The following BCAS1 variants were observed in gnomAD, a reference collection of about 807,000 sequenced individuals.
BCAS1 encodes the protein brain enriched myelin associated protein 1, also known as breast carcinoma-amplified sequence 1.
Under a neutral mutation model 65.4 loss-of-function variants are expected in BCAS1, and 46 were observed. The observed-to-expected ratio is 0.70, with a 90% CI of 0.55 to 0.90. The LOEUF (loss-of-function observed/expected upper bound fraction) is 0.90, where lower values mean the gene tolerates loss of function less well. Among genes scored for constraint, BCAS1 ranks in the 40% least tolerant of loss-of-function variants. BCAS1 has a pLI of 0.00. For synonymous variants in BCAS1, 298 were observed against 293.5 expected (o/e 1.02, Z -0.16); for missense variants, 793 against 771.2 (o/e 1.03, Z -0.33).
chr20:54,069,401 G>A (rs1271672338), intron 1 of BCAS1, among the ~76,000 whole-genome samples: 1 of 152,168 alleles, frequency 6.6e-6, no homozygotes, highest in Non-Finnish European at 1.5e-5. Context: ...CATTAATTCT[G>A]ACTTTTAAAA....
chr20:54,020,824 G>T (rs1224230761), intron 4 of BCAS1, among the ~76,000 whole-genome samples: 2 of 152,164 alleles, frequency 1.3e-5, no homozygotes, highest in Non-Finnish European at 2.9e-5. Context: ...GAATAGAAAA[G>T]AATACAAAAT....
intron 4 of BCAS1, among the ~76,000 whole-genome samples, chr20:53,997,058 T>C (rs1049610020): frequency 7.9e-5 from 12 of 152,252 alleles, no homozygotes; most frequent in Non-Finnish European, 1.0e-4. Flanking sequence ...TTTGGAGAGA[T>C]TGTCCCTAAA....
chr20:54,058,445 G>T (rs2092330465), intron 2 of BCAS1, among the ~76,000 whole-genome samples: 1 of 152,072 alleles, frequency 6.6e-6, no homozygotes, highest in Admixed American at 6.6e-5. Context: ...GCTCAAATGG[G>T]CATTTGTCAA....
At chr20:54,019,071 C>A (rs1489886709) in intron 4 of BCAS1, among the ~76,000 whole-genome samples, 1 of 152,116 alleles carries the variant, frequency 6.6e-6, no homozygotes, top group Non-Finnish European at 1.5e-5. Context: ...ACTATGTAGG[C>A]CAAGTAAGAT....
chr20:53,971,397 G>A (rs1425358467), intron 9 of BCAS1, among the ~76,000 whole-genome samples: 1 of 152,210 alleles, frequency 6.6e-6, no homozygotes. Context: ...TGTAGCATGA[G>A]TGAGAAAAGA....
At chr20:54,059,407 G>A (rs960956062) in intron 1 of BCAS1, among the ~76,000 whole-genome samples, 1 of 151,938 alleles carries the variant, frequency 6.6e-6, no homozygotes, top group African/African-American at 2.4e-5. Context: ...TAGGATTTTA[G>A]AATGAGGGTA....
At chr20:54,004,215 T>C (rs534806939) in intron 4 of BCAS1, among the ~76,000 whole-genome samples, 1 of 152,334 alleles carries the variant, frequency 6.6e-6, no homozygotes, top group East Asian at 1.9e-4. Context: ...GCGAGCGTTC[T>C]AGTCCTCTTT....
At chr20:54,036,299 A>G (rs968246869) in intron 3 of BCAS1, among the ~76,000 whole-genome samples, 6 of 151,428 alleles carry the variant, frequency 4.0e-5, no homozygotes, top group Non-Finnish European at 7.4e-5. Context: ...TAAAAAAGTC[A>G]AAGAATTTAA....
At chr20:54,043,056 G>A (rs73132906) in intron 3 of BCAS1, among the ~76,000 whole-genome samples, 1 of 152,146 alleles carries the variant, frequency 6.6e-6, no homozygotes, top group Non-Finnish European at 1.5e-5. Flanking sequence ...ACTCTCAGAA[G>A]GCATTTTTAA....
chr20:54,009,388 CA>C (rs1407484192), intron 4 of BCAS1, among the ~76,000 whole-genome samples: 2 of 152,106 alleles, frequency 1.3e-5, no homozygotes, highest in Non-Finnish European at 2.9e-5. Context: ...GCAAGAGAGT[CA>C]AGGTACAGAT....
intron 4 of BCAS1, among the ~76,000 whole-genome samples, chr20:54,008,807 GAT>G (rs1491239282): frequency 4.6e-5 from 7 of 151,190 alleles, no homozygotes; most frequent in African/African-American, 1.5e-4. Context: ...ATCTAACAAA[GAT>G]TTTTTTTTTT....
chr20:53,964,045 C>A (rs2089962318), intron 10 of BCAS1, among the ~76,000 whole-genome samples: 1 of 152,216 alleles, frequency 6.6e-6, no homozygotes, highest in African/African-American at 2.4e-5. Context: ...TGTTGTATCC[C>A]TTGTGCCTGG....
intron 3 of BCAS1, among the ~76,000 whole-genome samples, chr20:54,037,639 T>A (rs1476669048): frequency 6.6e-6 from 1 of 151,456 alleles, no homozygotes; most frequent in Non-Finnish European, 1.5e-5. Context: ...TAACAGCAAA[T>A]CTACAAGTTA....
At position 54,070,361 on chromosome 20, in the gene BCAS1, G is replaced by A. The variant is rs41308729; in HGVS notation, c.-6+72C>T. Reference sequence around the variant, plus strand: ...CAAACTTGACCCTGTCTGACCCCTGGCCTCTATATGACACCGTCTACCACA... The same window carrying A: ...CAAACTTGACCCTGTCTGACCCCTGACCTCTATATGACACCGTCTACCACA... On this transcript the variant is annotated intron_variant, in intron 1 of 12. Transcript: ENST00000688948. 21,675 of 152,270 alleles carry A rather than the reference G, an allele frequency of 0.14. 1,902 individuals carry two copies. Among genetic ancestry groups the A allele is most frequent in the East Asian group, 0.28 (1,437 of 5,168 alleles). 9.4% of individuals were successfully genotyped at this position (152,270 alleles called of 1,614,324 possible).
At chr20:53,956,689 G>T (rs2145543878) in intron 11 of BCAS1, among the ~76,000 whole-genome samples, 1 of 151,758 alleles carries the variant, frequency 6.6e-6, no homozygotes, top group South Asian at 2.1e-4. Context: ...GCTGAGCCAG[G>T]ATTTGAACCA....
intron 4 of BCAS1, among the ~76,000 whole-genome samples, chr20:54,019,320 C>A (rs532131394): frequency 6.6e-6 from 1 of 152,172 alleles, no homozygotes; most frequent in Non-Finnish European, 1.5e-5. Context: ...GTGAAACAGG[C>A]GTGCTTGCTG....
At chr20:53,955,212 C>A (rs987119828) in intron 11 of BCAS1, among the ~76,000 whole-genome samples, 1 of 152,172 alleles carries the variant, frequency 6.6e-6, no homozygotes, top group East Asian at 1.9e-4. Context: ...AGAGACTCCC[C>A]GGTCCAGAAG....
At chr20:54,023,149 G>A (rs1029350952) in intron 4 of BCAS1, among the ~76,000 whole-genome samples, 1 of 152,160 alleles carries the variant, frequency 6.6e-6, no homozygotes, top group Non-Finnish European at 1.5e-5. Context: ...CTTTTTATTT[G>A]TTTTTATTTT....
At chr20:54,013,151 T>C (rs1221476911) in intron 4 of BCAS1, among the ~76,000 whole-genome samples, 1 of 152,160 alleles carries the variant, frequency 6.6e-6, no homozygotes, top group Non-Finnish European at 1.5e-5. Flanking sequence ...CAAAGACATA[T>C]AGGAATTTAG....
Sources: gnomAD v4.1 joint callset for allele counts (sites outside exome capture counted in the v4.1 genomes callset) on GRCh38, gnomAD v4.1.1 for gene constraint, MANE v1.5 for transcripts, NCBI Gene and HGNC (gene_info 2026-07-23, HGNC 2026-07-21) for gene names.